The following CFAP20DC variants were observed in gnomAD, a reference collection of about 807,000 sequenced individuals.
CFAP20DC encodes protein CFAP20DC.
A neutral mutation model predicts 101.7 loss-of-function variants in CFAP20DC; 84 were observed. That is an observed-to-expected ratio of 0.83 (90% CI 0.69 to 0.99). The LOEUF is 0.99. Among genes scored for constraint, CFAP20DC ranks in the 50% least tolerant of loss-of-function variants. The pLI, the probability that CFAP20DC is intolerant of heterozygous loss-of-function variation, is 0.00. For missense variants in CFAP20DC, 1,007 were observed against 970.3 expected (o/e 1.04, Z -0.50); for synonymous variants, 359 against 351.2 (o/e 1.02, Z -0.25).
At chr3:58,727,170 T>C (rs2067565741) in intron 3 of CFAP20DC, 1 of 157,654 alleles carries the variant, frequency 6.3e-6, no homozygotes, top group Admixed American at 6.5e-5. Context: ...TTCTTTCTTC[T>C]GCAAATTTTC....
chr3:58,737,954 C>T (rs2067795918), downstream of CFAP20DC, among the ~76,000 whole-genome samples: 1 of 152,176 alleles, frequency 6.6e-6, no homozygotes. The surrounding 1 kb of genome is among the most constrained non-coding windows in gnomAD (Gnocchi z 4.1). Context: ...CTGAATCTCA[C>T]TTTTCTCAAT....
chr3:58,811,697 T>G (rs556203201), intron 14 of CFAP20DC, among the ~76,000 whole-genome samples: 2 of 152,054 alleles, frequency 1.3e-5, no homozygotes, highest in East Asian at 3.9e-4. Flanking sequence ...AAGCCAAAAT[T>G]GACAAATGGG....
At chr3:58,853,452 G>C (rs994504045) in intron 12 of CFAP20DC, among the ~76,000 whole-genome samples, 2 of 152,202 alleles carry the variant, frequency 1.3e-5, no homozygotes, top group South Asian at 2.1e-4. Flanking sequence ...CCAATCAATA[G>C]AAAAAGAGGG....
intron 7 of CFAP20DC, among the ~76,000 whole-genome samples, chr3:58,878,026 G>C (rs1206653393): frequency 6.6e-6 from 1 of 152,322 alleles, no homozygotes; most frequent in Non-Finnish European, 1.5e-5. Context: ...TGGCAAGCAG[G>C]CACATGCAGA....
At chr3:59,028,025 G>C (rs2093923620) in intron 4 of CFAP20DC, among the ~76,000 whole-genome samples, 1 of 152,174 alleles carries the variant, frequency 6.6e-6, no homozygotes, top group Non-Finnish European at 1.5e-5. Flanking sequence ...TTTGTGGGTT[G>C]ACACCTCGAC....
rs911606836 is a variant in CFAP20DC at position 58,732,692 on chromosome 3, G to A, written c.198-15064C>T. On this transcript the variant is annotated intron_variant, in intron 3 of 3. Coordinates refer to the CFAP20DC transcript ENST00000486145. The surrounding 1 kb of genome is among the most constrained non-coding windows in gnomAD (Gnocchi z 5.4). Reference sequence around the variant, plus strand: ...GGGTTTATAACACCCAACGTGGCACGAAAGCCGTGGCAAAAACAGTTACTC... The same window carrying A: ...GGGTTTATAACACCCAACGTGGCACAAAAGCCGTGGCAAAAACAGTTACTC... 2.6e-5 allele frequency among the ~76,000 whole-genome samples: 4 copies of A among 152,168 alleles called. No homozygotes were observed. The highest frequency in any genetic ancestry group is 9.7e-5 in the African/African-American group (4 of 41,426).
chr3:58,891,584 C>T (rs2082266671), intron 6 of CFAP20DC, among the ~76,000 whole-genome samples: 1 of 151,978 alleles, frequency 6.6e-6, no homozygotes, highest in African/African-American at 2.4e-5. Context: ...TTTTCATGTT[C>T]GTTGGCTGCA....
rs147806019 is a variant in CFAP20DC at position 58,874,645 on chromosome 3, C to A, written c.716-4336G>T. On this transcript the variant is annotated intron_variant, in intron 7 of 16. Transcript: ENST00000482387. This position sits in a 1 kb window ranked among gnomAD's most constrained non-coding sequence, Gnocchi z 5.1. ...AGAAGGCTTTTCCTTTCCCTCTTGACCTTTATGCCTCAGTTCACATATCAT... is the reference window on the plus strand; with the variant it reads ...AGAAGGCTTTTCCTTTCCCTCTTGAACTTTATGCCTCAGTTCACATATCAT... 0.016 allele frequency among the ~76,000 whole-genome samples: 2,437 copies of A among 152,266 alleles called. 31 individuals carry two copies. Among genetic ancestry groups the A allele is most frequent in the Non-Finnish European group, 0.022 (1,485 of 68,012 alleles).
In CFAP20DC at chr3:58,722,696, C is replaced by T. The variant is rs562721977; in HGVS notation, c.198-5068G>A. The stretch of plus-strand genomic sequence containing the variant: ...TACACACTGACTGTGATTTTCTGCC[C>T]GAGTCCTTATTTAATTGTTATTTTG... On this transcript the variant is annotated intron_variant, in intron 3 of 3. Transcript: ENST00000486145. This position sits in a 1 kb window ranked among gnomAD's most constrained non-coding sequence, Gnocchi z 4.5. Among the ~76,000 whole-genome samples, 4 of 152,122 alleles carry T rather than the reference C, an allele frequency of 2.6e-5. No homozygotes were observed. The highest frequency in any genetic ancestry group is 5.9e-5 in the Non-Finnish European group (4 of 68,018).
chr3:58,721,400 AC>A lies in CFAP20DC; in HGVS notation c.198-3773del, dbSNP rs1480474898. Among the ~76,000 whole-genome samples the A allele has an allele frequency of 6.6e-6, 1 of 150,714 alleles. No homozygotes were observed. The highest frequency in any genetic ancestry group is 6.6e-5 in the Admixed American group (1 of 15,094). On this transcript the variant is annotated intron_variant, in intron 3 of 3. Coordinates refer to the CFAP20DC transcript ENST00000486145. This position sits in a 1 kb window ranked among gnomAD's most constrained non-coding sequence, Gnocchi z 5.2. ...AGATAGACATTTTTTAAAAATTACA[AC>A]CATGATAGGGTACCTAGTGCTATGA...
intron 14 of CFAP20DC, among the ~76,000 whole-genome samples, chr3:58,809,595 A>G (rs2074425954): frequency 6.6e-6 from 1 of 152,174 alleles, no homozygotes; most frequent in Non-Finnish European, 1.5e-5. Context: ...CCACAAGAGA[A>G]AGCAGGAAAG....
intron 14 of CFAP20DC, 40 bp downstream of exon 14, chr3:58,831,646 T>C (rs1444235867): frequency 1.3e-6 from 2 of 1,577,356 alleles, no homozygotes; most frequent in Non-Finnish European, 1.7e-6. Context: ...GCTTGCTCCT[T>C]GTTAAGCAAT....
chr3:58,863,873 T>C lies in CFAP20DC; in HGVS notation c.1278A>G (p.Glu426=), dbSNP rs760252763. The stretch of plus-strand genomic sequence containing the variant: ...CCAGATATGAAATGTGATCAGCATT[T>C]TCAGGAAAAATCCACTCATCTGACA... ...PDQSDEWIFP[E]NADHISYLAS... The change falls in exon 12 of 17, where the codon GAA becomes GAG. Residue 426 remains glutamate (E), a synonymous_variant. Coordinates refer to ENST00000482387, the MANE Select transcript of CFAP20DC (RefSeq NM_001394063.1). This position sits in a 1 kb window ranked among gnomAD's most constrained non-coding sequence, Gnocchi z 5.9. 6.2e-7 allele frequency: 1 copy of C among 1,611,532 alleles called. No individual in the cohort carries two copies.
At chr3:58,807,988 A>T (rs2074251383) in intron 14 of CFAP20DC, among the ~76,000 whole-genome samples, 1 of 152,198 alleles carries the variant, frequency 6.6e-6, no homozygotes, top group African/African-American at 2.4e-5. Flanking sequence ...AATGAATGAA[A>T]TGAAGTGAGA....
chr3:58,983,459 T>C (rs1031770224), intron 4 of CFAP20DC, among the ~76,000 whole-genome samples: 39 of 152,164 alleles, frequency 2.6e-4, no homozygotes, highest in Admixed American at 2.2e-3. Context: ...TCAATTTAGA[T>C]GGCAGTTTTA....
intron 7 of CFAP20DC, among the ~76,000 whole-genome samples, chr3:58,876,991 A>C (rs1476754796): frequency 6.6e-6 from 1 of 152,232 alleles, no homozygotes; most frequent in African/African-American, 2.4e-5. Context: ...CTTCATCCGT[A>C]AGACTGGGAT....
intron 14 of CFAP20DC, among the ~76,000 whole-genome samples, chr3:58,816,497 G>T (rs1055363915): frequency 6.6e-5 from 10 of 152,208 alleles, no homozygotes; most frequent in African/African-American, 2.4e-4. Flanking sequence ...AGGGGTCAGG[G>T]AGTTCCCTTT....
At chr3:59,032,127 G>A (rs139593500) in intron 4 of CFAP20DC, among the ~76,000 whole-genome samples, 2,007 of 152,236 alleles carry the variant, frequency 0.013, 24 homozygotes, top group Non-Finnish European at 0.023. Context: ...CAAGGGAAGC[G>A]GTGAGGGACT....
intron 4 of CFAP20DC, among the ~76,000 whole-genome samples, chr3:58,944,066 G>A (rs1243382707): frequency 6.6e-6 from 1 of 152,092 alleles, no homozygotes; most frequent in Non-Finnish European, 1.5e-5. Context: ...AAGAAAGATG[G>A]AACTATGTAA....
Sources: gnomAD v4.1 joint callset for allele counts (sites outside exome capture counted in the v4.1 genomes callset) on GRCh38, gnomAD v4.1.1 for gene constraint, Gnocchi (gnomAD v3.1) non-coding constraint, MANE v1.5 for transcripts, NCBI Gene and HGNC (gene_info 2026-07-23, HGNC 2026-07-21) for gene names.